Variants in SPATA17 observed in about 807,000 individuals in gnomAD.
SPATA17 encodes spermatogenesis-associated protein 17.
Under a neutral mutation model 62.2 loss-of-function variants are expected in SPATA17, and 53 were observed. That is an observed-to-expected ratio of 0.85 (90% CI 0.68 to 1.07). The LOEUF is 1.07. Ranked by LOEUF, SPATA17 falls within the 50% of genes least tolerant of loss-of-function variation. The pLI, the probability that SPATA17 is intolerant of heterozygous loss-of-function variation, is 0.00. For missense variants in SPATA17, 466 were observed against 425.5 expected, an observed-to-expected ratio of 1.10 and a Z score of -0.84; for synonymous variants, 146 against 146.8, an observed-to-expected ratio of 0.99 and a Z score of 0.04.
intron 5 of SPATA17, among the ~76,000 whole-genome samples, chr1:217,735,777 T>C (rs1193684412): frequency 6.6e-6 from 1 of 152,076 alleles, no homozygotes; most frequent in Non-Finnish European, 1.5e-5. Flanking sequence ...ATTATAAAGA[T>C]TCTGTTTTTA....
intron 5 of SPATA17, among the ~76,000 whole-genome samples, chr1:217,730,299 C>T (rs993381244): frequency 6.6e-6 from 1 of 151,376 alleles, no homozygotes; most frequent in South Asian, 2.1e-4. Flanking sequence ...CTCACTGCAA[C>T]CTCTGTCTCC....
At chr1:217,801,900 A>G in intron 9 of SPATA17, 50 bp downstream of exon 9, 1 of 1,496,592 alleles carries the variant, frequency 6.7e-7, no homozygotes, top group Non-Finnish European at 9.1e-7. Flanking sequence ...AAAGCTAGAA[A>G]TATACATTAA....
rs368712700 is a variant in SPATA17, at chr1:217,702,162, A to G, written c.395+18801A>G. Among the ~76,000 whole-genome samples the G allele has an allele frequency of 4.5e-4, 69 of 152,210 alleles. 1 individual carries two copies. The highest frequency in any genetic ancestry group is 7.6e-4 in the Non-Finnish European group (52 of 67,984). ...ATCTTGTCACATGTTTAAGTGTTCT[A>G]TAATTAAACCTTTTTTAACTAACTT... On this transcript the variant is annotated intron_variant, in intron 5 of 10. Coordinates refer to ENST00000366933, the MANE Select transcript of SPATA17 (RefSeq NM_138796.4).
At chr1:217,632,571 C>T (rs1216982839) in intron 1 of SPATA17, among the ~76,000 whole-genome samples, 1 of 152,174 alleles carries the variant, frequency 6.6e-6, no homozygotes, top group African/African-American at 2.4e-5. Flanking sequence ...TTCAATTTTA[C>T]ATTCTTTTAT....
At chr1:217,686,999 G>T (rs1042944758) in intron 5 of SPATA17, among the ~76,000 whole-genome samples, 4 of 152,308 alleles carry the variant, frequency 2.6e-5, no homozygotes, top group African/African-American at 9.6e-5. Context: ...GATTACAGGC[G>T]TGAGCCAACG....
At position 217,683,219 on chromosome 1, in the gene SPATA17, G is replaced by T. The variant is rs773348571; in HGVS notation, c.292-39G>T. 14 of 1,409,146 alleles carry T rather than the reference G, an allele frequency of 9.9e-6. No homozygotes were observed. In the African/African-American group the frequency reaches 2.0e-4, roughly 21 times the overall value. The allele number at this position is 1,409,146 out of a possible 1,614,324, so 87.3% of individuals were successfully genotyped here. ...GTGCTATTACATTTTTAATAAAAGT[G>T]TTTAATGGCATATTTTATCTCTTTA... On this transcript the variant is annotated intron_variant, in intron 4 of 10. Coordinates refer to ENST00000366933, the MANE Select transcript of SPATA17 (RefSeq NM_138796.4).
At chr1:217,699,876 G>A (rs1265469175) in intron 5 of SPATA17, among the ~76,000 whole-genome samples, 1 of 151,940 alleles carries the variant, frequency 6.6e-6, no homozygotes, top group Non-Finnish European at 1.5e-5. Context: ...GTTCATTTGT[G>A]ACAATGGATA....
At position 217,712,128 on chromosome 1, in the gene SPATA17, C is replaced by CTTTTTTTTTTTT. The variant is rs551988828; in HGVS notation, c.395+28771_395+28772insTTTTTTTTTTTT. ...GGACCCTTAAGTTCTACAATATGTT[C>CTTTTTTTTTTTT]TTTTGTTTTTTTTTTTTTACGGAGT... On this transcript the variant is annotated intron_variant, in intron 5 of 10. Transcript: ENST00000366933. Among the ~76,000 whole-genome samples the CTTTTTTTTTTTT allele has an allele frequency of 2.4e-3, 319 of 134,088 alleles. 21 individuals are homozygous for CTTTTTTTTTTTT. Among genetic ancestry groups the CTTTTTTTTTTTT allele is most frequent in the Middle Eastern group, 4.2e-3 (1 of 238 alleles). 88.0% of individuals were successfully genotyped at this position (134,088 alleles called of 152,430 possible).
chr1:217,756,312 T>G (rs1268609824), intron 6 of SPATA17, among the ~76,000 whole-genome samples: 1 of 128,260 alleles, frequency 7.8e-6, no homozygotes, highest in African/African-American at 2.7e-5. Flanking sequence ...TGCCCAAATA[T>G]ATTTTTTGTG....
At chr1:217,857,424 A>G (rs184550056) in intron 9 of SPATA17, among the ~76,000 whole-genome samples, 13 of 152,278 alleles carry the variant, frequency 8.5e-5, no homozygotes, top group Admixed American at 3.3e-4. Flanking sequence ...GCAGTGGATT[A>G]TTTGTGTTTG....
chr1:217,780,180 A>T (rs779624605), intron 7 of SPATA17, among the ~76,000 whole-genome samples: 3 of 152,152 alleles, frequency 2.0e-5, no homozygotes, highest in Non-Finnish European at 2.9e-5. Context: ...ACTGGGATAG[A>T]TGATTGCCTG....
chr1:217,775,700 T>G (rs56670212), intron 7 of SPATA17, among the ~76,000 whole-genome samples: 111,287 of 151,650 alleles, frequency 0.73, 41,124 homozygotes, highest in Non-Finnish European at 0.77. Context: ...TATATATATA[T>G]ATAGAGAGAG....
At position 217,683,347 on chromosome 1, in the gene SPATA17, C is replaced by A; in HGVS notation, c.381C>A (p.Thr127=). The A allele has an allele frequency of 6.2e-7, 1 of 1,602,052 alleles. No homozygotes were observed. Among genetic ancestry groups the A allele is most frequent in the South Asian group, 1.1e-5 (1 of 90,172 alleles). ...AGTACCTGAAAGTCGTTTCAGAGACCAATGATGCAATTAGGTAAGTAGTGC... is the reference window on the plus strand; with the variant it reads ...AGTACCTGAAAGTCGTTTCAGAGACAAATGATGCAATTAGGTAAGTAGTGC... ...LKEYLKVVSE[T]NDAIRKALEE... The change falls in exon 5 of 11, where the codon ACC becomes ACA. Residue 127 remains threonine (T), a synonymous_variant. Transcript: ENST00000366933.
At chr1:217,821,981 G>T (rs1161902767) in intron 9 of SPATA17, among the ~76,000 whole-genome samples, 1 of 152,044 alleles carries the variant, frequency 6.6e-6, no homozygotes, top group Non-Finnish European at 1.5e-5. Flanking sequence ...CTTAATGAAG[G>T]AGGCTACAGC....
intron 1 of SPATA17, among the ~76,000 whole-genome samples, chr1:217,643,744 T>A (rs993068332): frequency 6.6e-6 from 1 of 151,344 alleles, no homozygotes; most frequent in Non-Finnish European, 1.5e-5. Flanking sequence ...AATTTTTTTT[T>A]TTTAGATGGA....
chr1:217,851,234 C>T (rs1255422949), intron 9 of SPATA17, among the ~76,000 whole-genome samples: 1 of 151,920 alleles, frequency 6.6e-6, no homozygotes, highest in Non-Finnish European at 1.5e-5. Flanking sequence ...AGAAAATGCA[C>T]CATTCAATGA....
At chr1:217,748,512 G>A (rs1364472699) in intron 6 of SPATA17, among the ~76,000 whole-genome samples, 3 of 151,904 alleles carry the variant, frequency 2.0e-5, no homozygotes, top group East Asian at 3.9e-4. Flanking sequence ...GGAGGCCAAG[G>A]AGGGCAGATC....
intron 6 of SPATA17, among the ~76,000 whole-genome samples, chr1:217,744,870 T>C (rs1672711633): frequency 6.6e-6 from 1 of 152,168 alleles, no homozygotes; most frequent in African/African-American, 2.4e-5. Flanking sequence ...AAACCCACCT[T>C]GGAAGAATGT....
chr1:217,717,417 C>T (rs1672030007), intron 5 of SPATA17, among the ~76,000 whole-genome samples: 2 of 152,072 alleles, frequency 1.3e-5, no homozygotes, highest in South Asian at 4.1e-4. Context: ...CAAAACCAGC[C>T]TGGACAACAT....
Sources: gnomAD v4.1 joint callset for allele counts (sites outside exome capture counted in the v4.1 genomes callset) on GRCh38, gnomAD v4.1.1 for gene constraint, MANE v1.5 for transcripts, NCBI Gene and HGNC (gene_info 2026-07-23, HGNC 2026-07-21) for gene names.